FHOD3: variants seen among roughly 807,000 people sequenced by gnomAD.
FHOD3 encodes FH1/FH2 domain-containing protein 3.
FHOD3 carries 90 observed loss-of-function variants against 173.0 expected under a neutral mutation model. The ratio of observed to expected loss-of-function variants is 0.52; its 90% CI spans 0.44 to 0.62. The LOEUF is 0.62. Among genes scored for constraint, FHOD3 ranks in the 20% least tolerant of loss-of-function variants. FHOD3 has a pLI of 0.00. For synonymous variants in FHOD3, 828 were observed against 823.0 expected (o/e 1.01, Z -0.10); for missense variants, 1,945 against 2,034.7 (o/e 0.96, Z 0.85).
At chr18:36,447,699 T>G (rs2051577177) in intron 3 of FHOD3, among the ~76,000 whole-genome samples, 1 of 152,210 alleles carries the variant, frequency 6.6e-6, no homozygotes, top group South Asian at 2.1e-4. Flanking sequence ...ACATTATTTC[T>G]AATGAAAATC....
chr18:36,687,766 C>T (rs62084011), intron 16 of FHOD3, among the ~76,000 whole-genome samples: 2,535 of 152,244 alleles, frequency 0.017, 26 homozygotes, highest in Middle Eastern at 0.044. Flanking sequence ...GAACCAACAG[C>T]TTTATTTAAA....
chr18:36,377,605 G>A lies in FHOD3; in HGVS notation c.337+4861G>A, dbSNP rs1366032034. 2.0e-5 allele frequency among the ~76,000 whole-genome samples: 3 copies of A among 152,232 alleles called. No homozygotes were observed. In the East Asian group the frequency reaches 5.8e-4, roughly 29 times the overall value. On this transcript the variant is annotated intron_variant, in intron 3 of 28. Coordinates refer to ENST00000590592, the MANE Select transcript of FHOD3 (RefSeq NM_001281740.3). ...AGCTAGTAAAGATGAGGCCCATGGA[G>A]CACTGTGTGCTGAGAGACATGAGGC...
chr18:36,564,826 G>C (rs781131606), intron 5 of FHOD3, among the ~76,000 whole-genome samples: 2 of 151,910 alleles, frequency 1.3e-5, no homozygotes, highest in African/African-American at 4.8e-5. Context: ...CTTTTTTGGG[G>C]GACCTTTTTT....
intron 3 of FHOD3, among the ~76,000 whole-genome samples, chr18:36,453,366 C>G (rs1283799466): frequency 6.6e-6 from 1 of 152,214 alleles, no homozygotes; most frequent in Non-Finnish European, 1.5e-5. Context: ...CTTCAAGAGT[C>G]AGCTCTGAGG....
intron 1 of FHOD3, among the ~76,000 whole-genome samples, chr18:36,341,529 G>A (rs1351586541): frequency 6.6e-6 from 1 of 152,212 alleles, no homozygotes; most frequent in East Asian, 1.9e-4. Context: ...AAGGCAAGTA[G>A]AAAGTGAGGA....
chr18:36,502,755 C>T (rs985520117), intron 4 of FHOD3, among the ~76,000 whole-genome samples: 1 of 152,088 alleles, frequency 6.6e-6, no homozygotes, highest in Non-Finnish European at 1.5e-5. Flanking sequence ...TGTTATGCTC[C>T]CCCATCCCAA....
chr18:36,338,875 T>G (rs1437648046), intron 1 of FHOD3, among the ~76,000 whole-genome samples: 2 of 152,144 alleles, frequency 1.3e-5, no homozygotes, highest in Non-Finnish European at 2.9e-5. Context: ...ATATACTCAC[T>G]TAGCCTGAAG....
intron 3 of FHOD3, among the ~76,000 whole-genome samples, chr18:36,473,882 TC>T (rs989767994): frequency 1.3e-5 from 2 of 152,240 alleles, no homozygotes; most frequent in African/African-American, 4.8e-5. Context: ...GGCTTTTCAC[TC>T]CTGAACACAC....
intron 3 of FHOD3, 71 bp from the exon 4 acceptor site, chr18:36,501,861 A>G (rs2055048653): frequency 1.8e-6 from 2 of 1,089,248 alleles, no homozygotes; most frequent in South Asian, 1.5e-5. Flanking sequence ...GTTATCATTC[A>G]TATCCTGTCT....
chr18:36,459,270 C>T (rs182700744), intron 3 of FHOD3, among the ~76,000 whole-genome samples: 8 of 152,258 alleles, frequency 5.3e-5, no homozygotes, highest in Non-Finnish European at 1.2e-4. Context: ...ACATACACAA[C>T]AGAGTAAGGC....
chr18:36,673,809 G>C (rs1019208869), intron 14 of FHOD3, among the ~76,000 whole-genome samples: 1 of 152,212 alleles, frequency 6.6e-6, no homozygotes, highest in South Asian at 2.1e-4. Flanking sequence ...TTCACGGACA[G>C]AAATCCCTCT....
In FHOD3 at chr18:36,374,246, C is replaced by A. The variant is rs1193200023; in HGVS notation, c.337+1502C>A. On this transcript the variant is annotated intron_variant, in intron 3 of 28. Coordinates refer to ENST00000590592, the MANE Select transcript of FHOD3 (RefSeq NM_001281740.3). ...CTTATGAACTTCTGTATCCTATCGT[C>A]CCATGTGATAGATGTAAGATGTGTG... Among the ~76,000 whole-genome samples the A allele has an allele frequency of 4.6e-5, 7 of 152,284 alleles. 1 individual carries two copies. The highest frequency in any genetic ancestry group is 3.9e-4 in the Admixed American group (6 of 15,290).
chr18:36,418,402 C>A (rs2049788859), intron 3 of FHOD3, among the ~76,000 whole-genome samples: 1 of 152,130 alleles, frequency 6.6e-6, no homozygotes, highest in Non-Finnish European at 1.5e-5. Flanking sequence ...TCATGGGTTG[C>A]TTTTGCAAAA....
At chr18:36,445,670 T>C (rs1390750844) in intron 3 of FHOD3, among the ~76,000 whole-genome samples, 1 of 152,182 alleles carries the variant, frequency 6.6e-6, no homozygotes. Flanking sequence ...AAAAATGAGC[T>C]TTGCTTTACC....
intron 1 of FHOD3, among the ~76,000 whole-genome samples, chr18:36,355,117 C>T (rs565628420): frequency 6.6e-6 from 1 of 152,298 alleles, no homozygotes; most frequent in South Asian, 2.1e-4. Flanking sequence ...TCAGTAGGCT[C>T]CTCACTGAAT....
chr18:36,686,586 G>A (rs1431822322), intron 15 of FHOD3, among the ~76,000 whole-genome samples: 5 of 150,964 alleles, frequency 3.3e-5, no homozygotes, highest in African/African-American at 9.8e-5. Context: ...AACCACCCTG[G>A]CACACATTTA....
chr18:36,560,086 CCA>C (rs776106634), intron 5 of FHOD3, among the ~76,000 whole-genome samples: 9 of 152,138 alleles, frequency 5.9e-5, no homozygotes, highest in African/African-American at 2.2e-4. Flanking sequence ...CCTTGGGCAC[CCA>C]GAGTGAGTGA....
chr18:36,388,224 G>T (rs528107641), intron 3 of FHOD3, among the ~76,000 whole-genome samples: 42 of 152,090 alleles, frequency 2.8e-4, no homozygotes, highest in Non-Finnish European at 5.4e-4. Flanking sequence ...TTCTGACATT[G>T]TCCTGATTCT....
At chr18:36,485,818 G>T (rs2054163727) in intron 3 of FHOD3, among the ~76,000 whole-genome samples, 1 of 152,124 alleles carries the variant, frequency 6.6e-6, no homozygotes, top group African/African-American at 2.4e-5. Context: ...GGAAAGAAAT[G>T]GTGCTGCCCA....
Sources: gnomAD v4.1 joint callset for allele counts (sites outside exome capture counted in the v4.1 genomes callset) on GRCh38, gnomAD v4.1.1 for gene constraint, MANE v1.5 for transcripts, NCBI Gene and HGNC (gene_info 2026-07-23, HGNC 2026-07-21) for gene names.